The following HDX variants were observed in gnomAD, a reference collection of about 807,000 sequenced individuals.
HDX encodes the protein chromosome X open reading frame 43.
In HDX, 19 loss-of-function variants were observed where a neutral mutation model predicts 45.2. The observed-to-expected ratio is 0.42, with a 90% CI of 0.29 to 0.62. HDX has a LOEUF of 0.62. Among genes scored for constraint, HDX ranks in the 20% least tolerant of loss-of-function variants. The pLI, the probability that HDX is intolerant of heterozygous loss-of-function variation, is 0.20. For missense variants in HDX, 532 were observed against 493.9 expected (o/e 1.08, Z -0.73); for synonymous variants, 188 against 172.8 (o/e 1.09, Z -0.69).
intron 5 of HDX, among the ~76,000 whole-genome samples, chrX:84,416,149 C>T (rs1282442154): frequency 1.8e-5 from 2 of 111,915 alleles, no homozygotes; most frequent in Admixed American, 9.5e-5. Flanking sequence ...TTTCTCACAG[C>T]ATCTAATCAG....
intron 5 of HDX, among the ~76,000 whole-genome samples, chrX:84,385,601 ACTTT>A (rs1416486273): frequency 2.8e-5 from 3 of 108,731 alleles, no homozygotes; most frequent in African/African-American, 1.0e-4. Flanking sequence ...TAGGTATTTT[ACTTT>A]CTTTCTGGGA....
chrX:84,383,305 T>G (rs1247599333), intron 5 of HDX, among the ~76,000 whole-genome samples: 1 of 111,524 alleles, frequency 9.0e-6, no homozygotes, highest in African/African-American at 3.2e-5. Flanking sequence ...TTCACATAAA[T>G]TTTGAAATGT....
chrX:84,454,549 C>T (rs779781162), intron 4 of HDX, among the ~76,000 whole-genome samples: 123 of 110,550 alleles, frequency 1.1e-3, no homozygotes, highest in Non-Finnish European at 1.8e-3. Context: ...GGGGCCAGTT[C>T]GGCCACAGTA....
intron 4 of HDX, among the ~76,000 whole-genome samples, chrX:84,458,411 C>A (rs956273329): frequency 1.5e-4 from 17 of 111,856 alleles, no homozygotes; most frequent in African/African-American, 4.2e-4. Context: ...AACATTAAAA[C>A]CGGTTGTTTG....
chrX:84,460,792 T>A (rs1190533907), intron 4 of HDX, among the ~76,000 whole-genome samples: 2 of 111,821 alleles, frequency 1.8e-5, no homozygotes, highest in Non-Finnish European at 1.9e-5. Context: ...TTTGGAAAAA[T>A]CTAAACACTC....
At chrX:84,339,934 A>G (rs1270339118) in intron 7 of HDX, among the ~76,000 whole-genome samples, 2 of 111,962 alleles carry the variant, frequency 1.8e-5, no homozygotes, top group African/African-American at 6.5e-5. Context: ...TTAATTGTAG[A>G]TACAGAAATT....
At chrX:84,438,847 T>C (rs1221123441) in intron 5 of HDX, among the ~76,000 whole-genome samples, 1 of 111,493 alleles carries the variant, frequency 9.0e-6, no homozygotes, top group Non-Finnish European at 1.9e-5. Flanking sequence ...AATGAATATA[T>C]GGCTGCATGT....
chrX:84,415,192 CT>C (rs2039075858), intron 5 of HDX, among the ~76,000 whole-genome samples: 1 of 111,680 alleles, frequency 9.0e-6, no homozygotes, highest in Non-Finnish European at 1.9e-5. Context: ...CCAAACACAC[CT>C]TTTTTATACC....
At chrX:84,359,936 T>G (rs2037579212) in intron 6 of HDX, among the ~76,000 whole-genome samples, 1 of 111,975 alleles carries the variant, frequency 8.9e-6, no homozygotes, top group Non-Finnish European at 1.9e-5. Context: ...ACAAATGGGA[T>G]CTAATTAAAC....
chrX:84,403,638 A>G (rs1004021619), intron 5 of HDX, among the ~76,000 whole-genome samples: 5 of 111,780 alleles, frequency 4.5e-5, no homozygotes, highest in African/African-American at 1.6e-4. Flanking sequence ...TAAACTACAA[A>G]TTATAGATTT....
At chrX:84,484,323 C>T (rs1188419988) in intron 2 of HDX, among the ~76,000 whole-genome samples, 1 of 111,822 alleles carries the variant, frequency 8.9e-6, no homozygotes, top group Admixed American at 9.5e-5. Flanking sequence ...ACTCATAGTT[C>T]CACATGGCTG....
chrX:84,466,008 T>A (rs1420159256), intron 4 of HDX, among the ~76,000 whole-genome samples: 1 of 111,557 alleles, frequency 9.0e-6, no homozygotes, highest in Admixed American at 9.5e-5. Context: ...CCAGGGCTTC[T>A]CCACCATACT....
intron 5 of HDX, among the ~76,000 whole-genome samples, chrX:84,374,118 G>C (rs1362460766): frequency 9.0e-6 from 1 of 110,945 alleles, no homozygotes; most frequent in African/African-American, 3.3e-5. Context: ...ACCAATAATA[G>C]ACAAACAGAG....
chrX:84,475,413 G>A lies in HDX; in HGVS notation c.1-16C>T. 1 of 1,045,779 alleles carries A rather than the reference G, an allele frequency of 9.6e-7. No homozygotes were observed. Among genetic ancestry groups the A allele is most frequent in the Non-Finnish European group, 1.3e-6 (1 of 781,090 alleles). 86.2% of individuals were successfully genotyped at this position (1,045,779 alleles called of 1,213,427 possible). A position where few individuals can be genotyped will look rare whatever the true frequency, so the allele number is the denominator to read the frequency against. ...GTAGATTCATCTAAAAATAAAAGAA[G>A]ATACTCTGAAAATTGGAATAAAAAT... On this transcript the variant is annotated splice_polypyrimidine_tract_variant and intron_variant, in intron 2 of 10. Coordinates refer to ENST00000373177, the MANE Select transcript of HDX (RefSeq NM_001177479.2).
chrX:84,495,057 C>A (rs12689509), intron 1 of HDX, among the ~76,000 whole-genome samples: 55,044 of 108,612 alleles, frequency 0.51, 11,083 homozygotes, highest in Middle Eastern at 0.64. Context: ...CATAGGGGAA[C>A]CTCGAGGACT....
intron 9 of HDX, among the ~76,000 whole-genome samples, chrX:84,331,361 T>C (rs1340563790): frequency 1.8e-5 from 2 of 111,884 alleles, no homozygotes; most frequent in African/African-American, 6.5e-5. Context: ...TGAGAGACTG[T>C]ATAATTCAGT....
chrX:84,394,115 T>C (rs956390434), intron 5 of HDX, among the ~76,000 whole-genome samples: 1 of 111,297 alleles, frequency 9.0e-6, no homozygotes, highest in Non-Finnish European at 1.9e-5. Flanking sequence ...TTCTGCCTTT[T>C]TGATGAAAGT....
At chrX:84,427,143 C>A (rs2039401561) in intron 5 of HDX, among the ~76,000 whole-genome samples, 1 of 110,203 alleles carries the variant, frequency 9.1e-6, no homozygotes, top group Admixed American at 9.7e-5. Flanking sequence ...TCTTTGAAAT[C>A]AAATATGTAT....
intron 5 of HDX, among the ~76,000 whole-genome samples, chrX:84,410,108 C>G (rs1442883282): frequency 1.0e-5 from 1 of 97,204 alleles, no homozygotes; most frequent in African/African-American, 3.8e-5. Context: ...CAAAGAGAAA[C>G]AGTTTCACTT....
Sources: gnomAD v4.1 joint callset for allele counts (sites outside exome capture counted in the v4.1 genomes callset) on GRCh38, gnomAD v4.1.1 for gene constraint, MANE v1.5 for transcripts, NCBI Gene and HGNC (gene_info 2026-07-23, HGNC 2026-07-21) for gene names.